Variants in GFOD2 observed in about 807,000 individuals in gnomAD.
The protein encoded by GFOD2 is Gfo/Idh/MocA-like oxidoreductase domain containing 2, also known as glucose-fructose oxidoreductase domain-containing protein 2.
In GFOD2, 9 loss-of-function variants were observed where a neutral mutation model predicts 24.6. That is an observed-to-expected ratio of 0.37 (90% CI 0.22 to 0.64). The LOEUF is 0.64. GFOD2 is among the 30% of genes least tolerant of loss of function. The pLI is 0.65. For synonymous variants in GFOD2, 211 were observed against 224.8 expected, an observed-to-expected ratio of 0.94 and a Z score of 0.55; for missense variants, 476 against 532.5, an observed-to-expected ratio of 0.89 and a Z score of 1.04.
chr16:67,692,057 G>C (rs761312457), intron 1 of GFOD2, among the ~76,000 whole-genome samples: 1 of 151,874 alleles, frequency 6.6e-6, no homozygotes, highest in Non-Finnish European at 1.5e-5. Context: ...TTCTCATAGG[G>C]ATGCACTGAT....
chr16:67,674,866 CAGG>C lies in GFOD2; in HGVS notation c.*286_*288del. ...CTGCGGATCAGGCTGAAGGGCTCCC[CAGG>C]GTGAGCCTTTCCTGGTCCGACTCAC... On this transcript the variant is annotated 3_prime_UTR_variant, in exon 3 of 3. Transcript: ENST00000268797. The C allele has an allele frequency of 2.4e-6, 1 of 418,110 alleles. No individual in the cohort carries two copies. Among genetic ancestry groups the C allele is most frequent in the Non-Finnish European group, 4.3e-6 (1 of 231,584 alleles). 25.9% of individuals were successfully genotyped at this position (418,110 alleles called of 1,614,324 possible). A position where few individuals can be genotyped will look rare whatever the true frequency, so the allele number is the denominator to read the frequency against.
At chr16:67,698,209 C>A (rs1024307191) in intron 1 of GFOD2, among the ~76,000 whole-genome samples, 2 of 152,182 alleles carry the variant, frequency 1.3e-5, no homozygotes, top group African/African-American at 4.8e-5. Flanking sequence ...ACCAAGGTCA[C>A]AGCTCCTTTA....
intron 1 of GFOD2, among the ~76,000 whole-genome samples, chr16:67,706,732 A>G (rs1437422827): frequency 6.6e-6 from 1 of 152,218 alleles, no homozygotes; most frequent in African/African-American, 2.4e-5. Context: ...ATTAAAATAC[A>G]TCATTAAAAA....
intron 2 of GFOD2, chr16:67,683,617 C>T: frequency 1.6e-6 from 2 of 1,231,782 alleles, no homozygotes; most frequent in Non-Finnish European, 2.0e-6. Context: ...CCAAAACTTA[C>T]TTGCTCCAAA....
chr16:67,718,335 CAATGAACATA>C (rs2053520952), intron 1 of GFOD2, among the ~76,000 whole-genome samples: 1 of 152,190 alleles, frequency 6.6e-6, no homozygotes, highest in East Asian at 1.9e-4. Flanking sequence ...ATTATGGGAA[CAATGAACATA>C]AATAAGACAG....
chr16:67,717,742 G>T (rs1490760116), intron 1 of GFOD2, among the ~76,000 whole-genome samples: 1 of 152,172 alleles, frequency 6.6e-6, no homozygotes, highest in African/African-American at 2.4e-5. Flanking sequence ...AGTGAGCCGA[G>T]ATCGCACCAC....
At chr16:67,717,254 C>A (rs1351208270) in intron 1 of GFOD2, among the ~76,000 whole-genome samples, 2 of 152,124 alleles carry the variant, frequency 1.3e-5, no homozygotes, top group East Asian at 3.8e-4. Context: ...TCCAATGTAT[C>A]TTCTTATAAG....
intron 1 of GFOD2, among the ~76,000 whole-genome samples, chr16:67,711,692 T>C (rs1050270882): frequency 2.0e-5 from 3 of 152,190 alleles, no homozygotes; most frequent in Non-Finnish European, 2.9e-5. Context: ...CCACCAAACA[T>C]ACTCTTCCCA....
At chr16:67,711,593 C>T (rs1350543935) in intron 1 of GFOD2, among the ~76,000 whole-genome samples, 1 of 152,162 alleles carries the variant, frequency 6.6e-6, no homozygotes, top group Non-Finnish European at 1.5e-5. Flanking sequence ...CAGACGGGTG[C>T]AAACAACCGC....
intron 1 of GFOD2, among the ~76,000 whole-genome samples, chr16:67,713,365 C>T (rs548427547): frequency 6.6e-6 from 1 of 152,280 alleles, no homozygotes; most frequent in East Asian, 1.9e-4. Context: ...AGCAATTCTG[C>T]AGTCAACACC....
intron 1 of GFOD2, among the ~76,000 whole-genome samples, chr16:67,699,857 AT>A (rs2053388893): frequency 6.6e-6 from 1 of 151,076 alleles, no homozygotes; most frequent in Non-Finnish European, 1.5e-5. Flanking sequence ...TAATCCCAGA[AT>A]TTTGGGAGGC....
chr16:67,707,990 C>T (rs570521716), intron 1 of GFOD2, among the ~76,000 whole-genome samples: 4 of 152,144 alleles, frequency 2.6e-5, no homozygotes, highest in African/African-American at 9.6e-5. Context: ...GCGGCAGTGG[C>T]GGTGGTGGCT....
At chr16:67,689,096 G>C (rs1298621884) in intron 1 of GFOD2, among the ~76,000 whole-genome samples, 3 of 150,144 alleles carry the variant, frequency 2.0e-5, no homozygotes, top group Non-Finnish European at 3.0e-5. Flanking sequence ...CTGGAGTGCA[G>C]TGGCGCAATC....
chr16:67,695,658 C>T lies in GFOD2; in HGVS notation c.-87-9856G>A, dbSNP rs112861960. On this transcript the variant is annotated intron_variant, in intron 1 of 2. Coordinates refer to ENST00000268797, the MANE Select transcript of GFOD2 (RefSeq NM_030819.4). ...TCAAGCGGTTCTCCTGTCTCAGCCTCCCGAGTAGCTGGGATTACAGGCATG... is the reference window on the plus strand; with the variant it reads ...TCAAGCGGTTCTCCTGTCTCAGCCTTCCGAGTAGCTGGGATTACAGGCATG... 9.6e-3 allele frequency among the ~76,000 whole-genome samples: 1,460 copies of T among 151,454 alleles called. 21 individuals carry two copies. Among genetic ancestry groups the T allele is most frequent in the African/African-American group, 0.033 (1,362 of 41,258 alleles).
chr16:67,711,525 A>G (rs1177555597), intron 1 of GFOD2, among the ~76,000 whole-genome samples: 1 of 152,026 alleles, frequency 6.6e-6, no homozygotes, highest in Non-Finnish European at 1.5e-5. Context: ...CATGGCTTTT[A>G]AATGTTATCT....
intron 1 of GFOD2, among the ~76,000 whole-genome samples, chr16:67,693,739 A>G (rs2053334479): frequency 6.6e-6 from 1 of 152,078 alleles, no homozygotes; most frequent in South Asian, 2.1e-4. Flanking sequence ...TACCCAGCCA[A>G]AATTAACCAT....
At chr16:67,687,041 G>C (rs533128178) in intron 1 of GFOD2, among the ~76,000 whole-genome samples, 4 of 150,990 alleles carry the variant, frequency 2.6e-5, no homozygotes, top group Non-Finnish European at 5.9e-5. Flanking sequence ...TCAGCTACTC[G>C]AGGGGCTGAG....
chr16:67,685,537 A>T lies in GFOD2; in HGVS notation c.179T>A (p.Ile60Asn). 7 of 1,614,148 alleles carry T rather than the reference A, an allele frequency of 4.3e-6. No homozygotes were observed. The highest frequency in any genetic ancestry group is 5.9e-6 in the Non-Finnish European group (7 of 1,180,022). ...IAFYTSRTDD[I>N]LLHQDVDLVC... ...CAGATCCACATCTTGATGCAGCAAG[A>T]TGTCATCAGTCCGGCTGGTGTAGAA... Residue 60 changes from isoleucine (I) to asparagine (N), a missense_variant, in exon 2 of 3, where the codon ATC becomes AAC. Coordinates refer to ENST00000268797, the MANE Select transcript of GFOD2 (RefSeq NM_030819.4).
chr16:67,678,476 CAAA>C (rs144320358), intron 2 of GFOD2, among the ~76,000 whole-genome samples: 5 of 74,954 alleles, frequency 6.7e-5, no homozygotes, highest in Non-Finnish European at 1.2e-4. Flanking sequence ...AACTCTGTCT[CAAA>C]AAAAAAAAAA....
Sources: gnomAD v4.1 joint callset for allele counts (sites outside exome capture counted in the v4.1 genomes callset) on GRCh38, gnomAD v4.1.1 for gene constraint, MANE v1.5 for transcripts, NCBI Gene and HGNC (gene_info 2026-07-23, HGNC 2026-07-21) for gene names.